BTBD9: variants seen among roughly 807,000 people sequenced by gnomAD.
BTBD9 encodes BTB domain containing 9.
A neutral mutation model predicts 64.3 loss-of-function variants in BTBD9; 49 were observed. The ratio of observed to expected loss-of-function variants is 0.76; its 90% confidence interval spans 0.61 to 0.97. The LOEUF (loss-of-function observed/expected upper bound fraction) is 0.97. BTBD9 is among the 50% of genes least tolerant of loss of function. BTBD9 has a pLI of 0.00. For synonymous variants in BTBD9, 260 were observed against 274.7 expected (o/e 0.95, Z 0.53); for missense variants, 598 against 762.1 (o/e 0.78, Z 2.53).
intron 6 of BTBD9, among the ~76,000 whole-genome samples, chr6:38,376,191 G>C (rs1765692173): frequency 6.6e-6 from 1 of 152,114 alleles, no homozygotes; most frequent in South Asian, 2.1e-4. Flanking sequence ...AGAAAATTTA[G>C]GGTAAAAATG....
intron 7 of BTBD9, among the ~76,000 whole-genome samples, chr6:38,315,708 G>T (rs929899062): frequency 6.6e-6 from 1 of 152,082 alleles, no homozygotes; most frequent in African/African-American, 2.4e-5. Context: ...TGAATGTTTT[G>T]AGACTTGTTT....
intron 1 of BTBD9, among the ~76,000 whole-genome samples, chr6:38,610,911 C>A (rs1258671795): frequency 4.0e-5 from 6 of 150,552 alleles, no homozygotes; most frequent in South Asian, 2.1e-4. Flanking sequence ...CTGCAAAAAA[C>A]CGGGGTGGGG....
intron 1 of BTBD9, among the ~76,000 whole-genome samples, chr6:38,637,552 T>C (rs1778567275): frequency 6.6e-6 from 1 of 152,212 alleles, no homozygotes; most frequent in Non-Finnish European, 1.5e-5. Context: ...CATTTGTATA[T>C]TTTACAGGAT....
Position 38,402,815 on chromosome 6 carries a change from A to G in BTBD9, c.1155-57722T>C, listed in dbSNP as rs1204942308. On this transcript the variant is annotated intron_variant, in intron 6 of 10. Transcript: ENST00000481247. ...AGACTTGGTGGCTCATGCCTATAAT[A>G]CCTGCACTTTGGAAGGCCAAGGAGG... 8.6e-6 allele frequency: 6 copies of G among 700,648 alleles called. No homozygotes were observed. In the East Asian group the frequency reaches 1.3e-4, roughly 16 times the overall value. The allele number at this position is 700,648 out of a possible 1,614,324, so 43.4% of individuals were successfully genotyped here. A position where few individuals can be genotyped will look rare whatever the true frequency, so the allele number is the denominator to read the frequency against.
chr6:38,570,774 T>C (rs1449643526), intron 6 of BTBD9, among the ~76,000 whole-genome samples: 1 of 152,122 alleles, frequency 6.6e-6, no homozygotes, highest in Non-Finnish European at 1.5e-5. Flanking sequence ...AGCACCAAAA[T>C]ATATACCTCT....
intron 6 of BTBD9, among the ~76,000 whole-genome samples, chr6:38,568,375 T>C (rs1190085658): frequency 6.6e-6 from 1 of 152,242 alleles, no homozygotes; most frequent in Non-Finnish European, 1.5e-5. Context: ...TTTTATTTCA[T>C]TGACCACATT....
intron 6 of BTBD9, among the ~76,000 whole-genome samples, chr6:38,356,794 T>C (rs1278003987): frequency 1.3e-5 from 2 of 152,220 alleles, no homozygotes; most frequent in Non-Finnish European, 2.9e-5. Flanking sequence ...TTAGATTCTT[T>C]AGCTCTTCCC....
chr6:38,444,253 G>T (rs139779993), intron 6 of BTBD9, among the ~76,000 whole-genome samples: 125 of 152,266 alleles, frequency 8.2e-4, no homozygotes, highest in African/African-American at 2.7e-3. Context: ...TGAGAACAGG[G>T]ATCAGTCATG....
chr6:38,414,115 C>A (rs1767559620), intron 6 of BTBD9, among the ~76,000 whole-genome samples: 1 of 152,150 alleles, frequency 6.6e-6, no homozygotes, highest in South Asian at 2.1e-4. Flanking sequence ...ATTACCTTAT[C>A]TTTATGTTTG....
intron 6 of BTBD9, among the ~76,000 whole-genome samples, chr6:38,401,079 T>C (rs1766907013): frequency 6.6e-6 from 1 of 152,196 alleles, no homozygotes; most frequent in Admixed American, 6.5e-5. Flanking sequence ...GTATTTGATA[T>C]GGTCTGGCTC....
intron 9 of BTBD9, among the ~76,000 whole-genome samples, chr6:38,231,308 C>T (rs376551803): frequency 1.3e-5 from 2 of 152,216 alleles, no homozygotes; most frequent in African/African-American, 4.8e-5. Flanking sequence ...TGGGATAACA[C>T]AGACATGCTA....
chr6:38,556,554 A>T (rs143803722), intron 6 of BTBD9, among the ~76,000 whole-genome samples: 2,568 of 39,850 alleles, frequency 0.064, 56 homozygotes, highest in African/African-American at 0.24. Flanking sequence ...TGTGTGTGAG[A>T]GAGAGAGAGA....
rs1170260333 is a variant in BTBD9, at chr6:38,192,536, G to T, written c.1624C>A (p.His542Asn). 6.2e-7 allele frequency: 1 copy of T among 1,613,856 alleles called. No homozygotes were observed. Among genetic ancestry groups the T allele is most frequent in the Non-Finnish European group, 8.5e-7 (1 of 1,179,876 alleles). The change falls in exon 10 of 11, where the codon CAC (histidine) becomes AAC (asparagine). Residue 542 changes from histidine (H) to asparagine (N), a missense_variant. Coordinates refer to ENST00000481247, the MANE Select transcript of BTBD9 (RefSeq NM_001099272.2). Reference sequence around the variant, plus strand: ...ACCCTTACCTCATTTGCTGTGTTGTGTGTCCCAACGATACGGATGAAGGAG... The same window carrying T: ...ACCCTTACCTCATTTGCTGTGTTGTTTGTCCCAACGATACGGATGAAGGAG... ...PASFIRIVGT[H>N]NTANEVFHCV...
At chr6:38,191,094 C>T (rs1455676227) in intron 10 of BTBD9, among the ~76,000 whole-genome samples, 1 of 152,080 alleles carries the variant, frequency 6.6e-6, no homozygotes. Flanking sequence ...TTGAATTTTT[C>T]TTTAGAAAAA....
intron 6 of BTBD9, among the ~76,000 whole-genome samples, chr6:38,378,190 G>A (rs1423743565): frequency 1.3e-5 from 2 of 151,512 alleles, no homozygotes; most frequent in Non-Finnish European, 2.9e-5. Context: ...GCTAACTTAT[G>A]TGCAGAGAAA....
At chr6:38,514,549 C>T (rs1772924173) in intron 6 of BTBD9, among the ~76,000 whole-genome samples, 1 of 152,094 alleles carries the variant, frequency 6.6e-6, no homozygotes, top group East Asian at 1.9e-4. Flanking sequence ...TCATGTCTTA[C>T]AAACATGTCC....
At position 38,170,722 on chromosome 6, in the gene BTBD9, G is replaced by A. The variant is rs1386672070; in HGVS notation, c.*4263C>T. ...TTAATATTATAATAATAAAAGCCAC[G>A]GTGGCACAGAACCATGAACTGCACT... On this transcript the variant is annotated 3_prime_UTR_variant, in exon 11 of 11. Coordinates refer to ENST00000481247, the MANE Select transcript of BTBD9 (RefSeq NM_001099272.2). 2 of 152,194 alleles carry A rather than the reference G, an allele frequency of 1.3e-5. No individual in the cohort carries two copies. The highest frequency in any genetic ancestry group is 4.8e-5 in the African/African-American group (2 of 41,444). The allele number at this position is 152,194 out of a possible 1,614,324, so 9.4% of individuals were successfully genotyped here.
intron 6 of BTBD9, among the ~76,000 whole-genome samples, chr6:38,559,634 A>G (rs1775186256): frequency 2.0e-5 from 3 of 152,214 alleles, no homozygotes. Flanking sequence ...AATCCTAAGC[A>G]AAAAGAACAA....
chr6:38,193,943 A>G (rs541564297), intron 9 of BTBD9: 1 of 947,384 alleles, frequency 1.1e-6, no homozygotes, highest in South Asian at 4.9e-5. Flanking sequence ...TCTTGTGTGT[A>G]AAGTCTGTGC....
Sources: allele counts gnomAD v4.1 joint callset (sites outside exome capture counted in the v4.1 genomes callset), GRCh38; gene constraint gnomAD v4.1.1; transcripts MANE v1.5; gene names NCBI Gene and HGNC (gene_info 2026-07-23, HGNC 2026-07-21).